ZSCAN5A: variants seen among roughly 807,000 people sequenced by gnomAD.
ZSCAN5A encodes zinc finger and SCAN domain-containing protein 5A.
ZSCAN5A carries 12 observed loss-of-function variants against 23.7 expected under a neutral mutation model. That is an observed-to-expected ratio of 0.51 (90% CI 0.32 to 0.82). The LOEUF (loss-of-function observed/expected upper bound fraction) is 0.82. Ranked by LOEUF, ZSCAN5A falls within the 40% of genes least tolerant of loss-of-function variation. The pLI is 0.03. For synonymous variants in ZSCAN5A, 257 were observed against 239.9 expected, an observed-to-expected ratio of 1.07 and a Z score of -0.66; for missense variants, 597 against 617.9, an observed-to-expected ratio of 0.97 and a Z score of 0.36.
At chr19:56,291,827 C>G (rs2039527646) in intron 2 of ZSCAN5A, among the ~76,000 whole-genome samples, 1 of 152,120 alleles carries the variant, frequency 6.6e-6, no homozygotes, top group African/African-American at 2.4e-5. Flanking sequence ...AAACCAATCC[C>G]TCCTCGAATC....
chr19:56,223,817 G>A lies in ZSCAN5A; in HGVS notation c.402C>T (p.His134=), dbSNP rs147680558. The stretch of plus-strand genomic sequence containing the variant: ...AGTCCTGCACAATATATTCCTTTCC[G>A]TGGAAGGTGACCACAGACTGTAGAG... ...RPKKWSVVTF[H]GKEYIVQDSD... Residue 134 remains histidine, a synonymous_variant, in exon 4 of 6, where the codon CAC becomes CAT. Coordinates refer to ENST00000683990, the MANE Select transcript of ZSCAN5A (RefSeq NM_001322064.3). 92 of 1,612,168 alleles carry A rather than the reference G, an allele frequency of 5.7e-5. No individual in the cohort carries two copies. The East Asian group carries it at 1.1e-3, about 20-fold the overall frequency.
At chr19:56,333,690 T>C (rs1001940680) in intron 2 of ZSCAN5A, among the ~76,000 whole-genome samples, 8 of 152,072 alleles carry the variant, frequency 5.3e-5, no homozygotes, top group African/African-American at 2.4e-5. Context: ...CAGCCATCTC[T>C]TATTCATGCA....
chr19:56,356,278 G>A (rs1425426526), intron 2 of ZSCAN5A, among the ~76,000 whole-genome samples: 1 of 148,686 alleles, frequency 6.7e-6, no homozygotes, highest in Non-Finnish European at 1.5e-5. Context: ...AAAGAGAGCA[G>A]CCACCTTTTA....
At chr19:56,245,780 AT>A (rs1959426021) in intron 2 of ZSCAN5A, among the ~76,000 whole-genome samples, 4 of 152,096 alleles carry the variant, frequency 2.6e-5, no homozygotes. Context: ...CAGATTGTCA[AT>A]TTCTTAATTT....
intron 2 of ZSCAN5A, among the ~76,000 whole-genome samples, chr19:56,326,325 G>T (rs2041433966): frequency 6.6e-6 from 1 of 151,964 alleles, no homozygotes; most frequent in Admixed American, 6.6e-5. Flanking sequence ...GTGTGTGTGT[G>T]TGTGTGTGTG....
chr19:56,302,571 T>TCCTTCCTCCCTCCCTCC (rs1390574819), intron 2 of ZSCAN5A, among the ~76,000 whole-genome samples: 1 of 63,266 alleles, frequency 1.6e-5, no homozygotes, highest in Non-Finnish European at 2.7e-5. Flanking sequence ...CCCCTTCCTT[T>TCCTTCCTCCCTCCCTCC]TCTTCCTCCC....
At chr19:56,238,107 T>A (rs1272309827) in intron 2 of ZSCAN5A, among the ~76,000 whole-genome samples, 2 of 11,978 alleles carry the variant, frequency 1.7e-4, no homozygotes, top group Non-Finnish European at 3.5e-4. Flanking sequence ...CGGAAACACA[T>A]ACGAACACAC....
At chr19:56,342,843 C>A in intron 2 of ZSCAN5A, 1 of 884,784 alleles carries the variant, frequency 1.1e-6, no homozygotes. Flanking sequence ...CTCTCAAAAG[C>A]ACCCCCTGGA....
At chr19:56,239,572 T>C (rs987031182) in intron 2 of ZSCAN5A, among the ~76,000 whole-genome samples, 1 of 152,232 alleles carries the variant, frequency 6.6e-6, no homozygotes, top group Admixed American at 6.5e-5. Flanking sequence ...TGGTTCCCAC[T>C]GTTTTTACAT....
chr19:56,239,458 A>AG (rs1392258427), intron 2 of ZSCAN5A, among the ~76,000 whole-genome samples: 1 of 152,194 alleles, frequency 6.6e-6, no homozygotes, highest in Non-Finnish European at 1.5e-5. Flanking sequence ...GGCCTCAGTC[A>AG]GGGGGCTGAG....
At chr19:56,337,929 C>T (rs961774828) in intron 2 of ZSCAN5A, among the ~76,000 whole-genome samples, 13 of 152,238 alleles carry the variant, frequency 8.5e-5, no homozygotes, top group East Asian at 1.9e-4. Context: ...TATGCTATTT[C>T]GTGGCTTTTT....
intron 2 of ZSCAN5A, among the ~76,000 whole-genome samples, chr19:56,230,615 A>ATGTGTG (rs58270311): frequency 0.034 from 5,044 of 147,478 alleles, 127 homozygotes; most frequent in African/African-American, 0.069. Context: ...TTATTTCTTG[A>ATGTGTG]TGTGTGTGTG....
At chr19:56,273,264 T>C (rs923586362) in intron 2 of ZSCAN5A, among the ~76,000 whole-genome samples, 1 of 152,220 alleles carries the variant, frequency 6.6e-6, no homozygotes, top group South Asian at 2.1e-4. Context: ...GAGCTTACGT[T>C]GTGCAGTGCC....
At chr19:56,245,621 A>G (rs1382741070) in intron 2 of ZSCAN5A, among the ~76,000 whole-genome samples, 2 of 152,166 alleles carry the variant, frequency 1.3e-5, no homozygotes, top group East Asian at 3.9e-4. Flanking sequence ...CCACCATGAG[A>G]GCTTTTAGCA....
chr19:56,353,968 A>G (rs1336346735), intron 2 of ZSCAN5A, among the ~76,000 whole-genome samples: 2 of 152,156 alleles, frequency 1.3e-5, no homozygotes, highest in Non-Finnish European at 2.9e-5. Flanking sequence ...CTTAAAAGAG[A>G]GGAAGTTCTA....
rs1425705329 is a variant in ZSCAN5A at position 56,245,985 on chromosome 19, T to G, written c.-127-20812A>C. On this transcript the variant is annotated intron_variant, in intron 2 of 5. Transcript: ENST00000683990. ...CCCCAATGCCAGTGGTGCCAGGGGT[T>G]AGGGGCCTCCACCTAGAGTCATGCT... Among the ~76,000 whole-genome samples the G allele has an allele frequency of 4.1e-4, 63 of 152,128 alleles. 1 individual carries two copies. Among genetic ancestry groups the G allele is most frequent in the Admixed American group, 3.3e-3 (51 of 15,260 alleles).
At chr19:56,340,695 C>T (rs906469177) in intron 2 of ZSCAN5A, 3 of 152,186 alleles carry the variant, frequency 2.0e-5, no homozygotes, top group African/African-American at 7.2e-5. Context: ...CTGTTAGAGC[C>T]TTCATATCCA....
At chr19:56,344,905 G>A (rs1467934671) in intron 2 of ZSCAN5A, among the ~76,000 whole-genome samples, 6 of 71,862 alleles carry the variant, frequency 8.3e-5, no homozygotes, top group Non-Finnish European at 1.4e-4. Context: ...GCGAGACTCC[G>A]TCTCAAAAAA....
intron 2 of ZSCAN5A, among the ~76,000 whole-genome samples, chr19:56,355,872 G>A (rs1462370233): frequency 6.7e-6 from 1 of 148,682 alleles, no homozygotes; most frequent in African/African-American, 2.5e-5. Context: ...TAATGATTAT[G>A]ATGACCTCAA....
Sources: allele counts gnomAD v4.1 joint callset (sites outside exome capture counted in the v4.1 genomes callset), GRCh38; gene constraint gnomAD v4.1.1; transcripts MANE v1.5; gene names NCBI Gene and HGNC (gene_info 2026-07-23, HGNC 2026-07-21).